Variants in PSD observed in about 807,000 individuals in gnomAD.
The protein encoded by PSD is PH and SEC7 domain-containing protein 1.
In PSD, 32 loss-of-function variants were observed where a neutral mutation model predicts 91.6. The observed-to-expected ratio is 0.35, with a 90% confidence interval of 0.26 to 0.47. The LOEUF (loss-of-function observed/expected upper bound fraction) is 0.47, where lower values mean the gene tolerates loss of function less well. Among genes scored for constraint, PSD ranks in the 20% least tolerant of loss-of-function variants. The probability of loss-of-function intolerance (pLI) is 1.00; values close to 1 mark genes in which losing one functional copy is unlikely to be tolerated. For synonymous variants in PSD, 532 were observed against 569.3 expected (o/e 0.93, Z 0.93); for missense variants, 1,099 against 1,373.9 (o/e 0.80, Z 3.16).
At position 102,404,103 on chromosome 10, in the gene PSD, C is replaced by T; in HGVS notation, c.2701-118G>A. The T allele has an allele frequency of 7.9e-7, 1 of 1,263,768 alleles. No homozygotes were observed. The highest frequency in any genetic ancestry group is 2.8e-5 in the Admixed American group (1 of 35,142). 78.3% of individuals were successfully genotyped at this position (1,263,768 alleles called of 1,614,324 possible). ...GTGGCTCACGCCTGTAATCCCAGCA[C>T]TTTGGGAGGCCAAGGCGGGCGGATC... is the stretch of plus-strand genomic sequence containing the variant. On this transcript the variant is annotated intron_variant, in intron 15 of 16. Coordinates refer to ENST00000020673, the MANE Select transcript of PSD (RefSeq NM_002779.5). The surrounding 1 kb of genome is among the most constrained non-coding windows in gnomAD (Gnocchi z 5.7).
chr10:102,419,669 G>T, upstream of PSD: 1 of 157,900 alleles, frequency 6.3e-6, no homozygotes, highest in South Asian at 1.4e-4. The surrounding 1 kb of genome is among the most constrained non-coding windows in gnomAD (Gnocchi z 4.8). Flanking sequence ...GGGGAGGGGC[G>T]GCGCGGACTC....
Position 102,413,934 on chromosome 10 carries a change from G to A in PSD, c.1388C>T (p.Pro463Leu), listed in dbSNP as rs750932539. The A allele has an allele frequency of 6.2e-7, 1 of 1,614,060 alleles. No homozygotes were observed. The highest frequency in any genetic ancestry group is 8.5e-7 in the Non-Finnish European group (1 of 1,179,952). Residue 463 changes from proline to leucine, a missense_variant, in exon 5 of 17, where the codon CCT becomes CTT. Pro to Leu is a moderately conservative substitution (Grantham distance 98). This residue lies in a region of PSD where 631 missense variants were observed against 728.8 expected (regional missense o/e 0.87). Transcript: ENST00000020673. ...GCTGGTACCAGAATCCGGTTCAAGA[G>A]GGGCAAGTGGGGCGGGAGCTGGTGG... Reference protein sequence around the residue: ...PDPPAPAPLAPLEPDSGTSSA... With the variant: ...PDPPAPAPLALLEPDSGTSSA...
Position 102,417,095 on chromosome 10 carries a change from A to G in PSD, c.-57T>C. 1 of 962,464 alleles carries G rather than the reference A, an allele frequency of 1.0e-6. No individual in the cohort carries two copies. The highest frequency in any genetic ancestry group is 1.6e-5 in the African/African-American group (1 of 60,994). 59.6% of individuals were successfully genotyped at this position (962,464 alleles called of 1,614,324 possible). A position where few individuals can be genotyped will look rare whatever the true frequency, so the allele number is the denominator to read the frequency against. Reference sequence around the variant, plus strand: ...GGATGGCGAGGCCAGGCGGGGAGTAAGGGGGCTGCATGCTCTTCAGACAGG... The same window carrying G: ...GGATGGCGAGGCCAGGCGGGGAGTAGGGGGGCTGCATGCTCTTCAGACAGG... On this transcript the variant is annotated 5_prime_UTR_variant, in exon 2 of 17. Coordinates refer to ENST00000020673, the MANE Select transcript of PSD (RefSeq NM_002779.5).
At chr10:102,418,228 A>G (rs910311180) in intron 1 of PSD, among the ~76,000 whole-genome samples, 9 of 140,644 alleles carry the variant, frequency 6.4e-5, no homozygotes, top group African/African-American at 2.6e-4. Context: ...CAGTCATAAC[A>G]AGTATGTGTG....
Position 102,415,152 on chromosome 10 carries a change from G to A in PSD, c.835C>T (p.Arg279Ter), listed in dbSNP as rs1428274929. ...SRQGSGVAVG[R>*]AAKYSETDLD... ...TCTGTCTCGGAGTACTTGGCTGCTC[G>A]CCCCACAGCCACCCCAGAGCCCTGC... The change falls in exon 4 of 17, where the codon CGA (arginine) becomes TGA (stop). Residue 279 changes from arginine to a stop codon, truncating the protein, a stop_gained. Transcript: ENST00000020673. LOFTEE classifies it high-confidence loss of function. The A allele has an allele frequency of 3.1e-6, 5 of 1,613,320 alleles. No homozygotes were observed. Among genetic ancestry groups the A allele is most frequent in the Non-Finnish European group, 4.2e-6 (5 of 1,180,020 alleles).
rs535674029 is a variant in PSD at position 102,403,917 on chromosome 10, G to A, written c.2769C>T (p.Ala923=). Residue 923 remains alanine, a synonymous_variant, in exon 16 of 17, where the codon GCC becomes GCT. Coordinates refer to ENST00000020673, the MANE Select transcript of PSD (RefSeq NM_002779.5). This position sits in a 1 kb window ranked among gnomAD's most constrained non-coding sequence, Gnocchi z 6.7. The part of the protein sequence containing the change: ...AMASELREHR[A]AQLGKKGRGK... ...CCCGGCCCTTCTTGCCCAGCTGGGC[G>A]GCCCGGTGCTCCCGCAGCTCACTTG... 51 of 1,596,548 alleles carry A rather than the reference G, an allele frequency of 3.2e-5. No individual in the cohort carries two copies. Among genetic ancestry groups the A allele is most frequent in the African/African-American group, 8.0e-5 (6 of 74,806 alleles).
At position 102,414,168 on chromosome 10, in the gene PSD, G is replaced by C; in HGVS notation, c.1154C>G (p.Pro385Arg). 1.2e-6 allele frequency: 2 copies of C among 1,612,836 alleles called. No individual in the cohort carries two copies. The highest frequency in any genetic ancestry group is 1.7e-4 in the Middle Eastern group (1 of 6,048). The stretch of plus-strand genomic sequence containing the variant: ...GCTCGTCCCAGGTAGAAAGGGCACA[G>C]GTGACTTGAGAGGCATCCGGCTCCC... ...RPGSRMPLKSPVPFLPGTSPS... is the reference protein window; with the variant it reads ...RPGSRMPLKSRVPFLPGTSPS... The change falls in exon 5 of 17, where the codon CCT becomes CGT. Residue 385 changes from proline to arginine, a missense_variant. Coordinates refer to ENST00000020673, the MANE Select transcript of PSD (RefSeq NM_002779.5). The surrounding 1 kb of genome is among the most constrained non-coding windows in gnomAD (Gnocchi z 5.6).
chr10:102,403,882 G>C lies in PSD; in HGVS notation c.2804C>G (p.Ala935Gly). The change falls in exon 16 of 17, where the codon GCT (alanine) becomes GGT (glycine). Residue 935 changes from alanine to glycine, a missense_variant. Around this residue, in one of 3 missense-constraint regions of PSD, gnomAD observed 358 missense variants for 426.5 expected, o/e 0.84. Coordinates refer to ENST00000020673, the MANE Select transcript of PSD (RefSeq NM_002779.5). This position sits in a 1 kb window ranked among gnomAD's most constrained non-coding sequence, Gnocchi z 6.7. ...GGCCTCCTTCTGCCGCTGCTCTTCAGCCTCCTTGCCCCGGCCCTTCTTGCC... is the reference window on the plus strand; with the variant it reads ...GGCCTCCTTCTGCCGCTGCTCTTCACCCTCCTTGCCCCGGCCCTTCTTGCC... ...QLGKKGRGKE[A>G]EEQRQKEAYL... The C allele has an allele frequency of 6.2e-7, 1 of 1,608,522 alleles. No individual in the cohort carries two copies. Among genetic ancestry groups the C allele is most frequent in the Non-Finnish European group, 8.5e-7 (1 of 1,177,568 alleles).
intron 1 of PSD, 143 bp from the exon 2 acceptor site, chr10:102,417,264 ACG>A: frequency 3.7e-6 from 2 of 536,706 alleles, no homozygotes; most frequent in South Asian, 2.4e-5. Context: ...CATTGATCCC[ACG>A]CCTGGGGACT....
Position 102,404,594 on chromosome 10 carries a change from G to C in PSD, c.2689C>G (p.Arg897Gly). Residue 897 changes from arginine (R) to glycine (G), a missense_variant, in exon 15 of 17, where the codon CGC becomes GGC. Coordinates refer to ENST00000020673, the MANE Select transcript of PSD (RefSeq NM_002779.5). This position sits in a 1 kb window ranked among gnomAD's most constrained non-coding sequence, Gnocchi z 5.7. ...AGAGCTTGGGCTACCTGGGAGAGGC[G>C]GGTGGCAGCGCTGGGCAGGAGAGGG... ...SRPLLPSAAT[R>G]LSQEEQVRTH... is the part of the protein sequence containing the mutation. 1 of 1,610,804 alleles carries C rather than the reference G, an allele frequency of 6.2e-7. No individual in the cohort carries two copies. Among genetic ancestry groups the C allele is most frequent in the Non-Finnish European group, 8.5e-7 (1 of 1,178,228 alleles).
chr10:102,408,732 C>G (rs2061390938), intron 10 of PSD, among the ~76,000 whole-genome samples: 1 of 152,228 alleles, frequency 6.6e-6, no homozygotes, highest in South Asian at 2.1e-4. Flanking sequence ...GCCCCAGGGT[C>G]TGTGCCCTCC....
In PSD at chr10:102,416,067, G is replaced by A. The variant is rs777755252; in HGVS notation, c.707C>T (p.Ala236Val). ...REVSSHAQRI[A>V]RAKWEFFYGS... ...ATAGAAGAATTCCCATTTGGCTCTA[G>A]CGATTCTCTGGGCATGAGAGGAGAC... The change falls in exon 3 of 17, where the codon GCT becomes GTT. Residue 236 changes from alanine (A) to valine (V), a missense_variant. By Grantham distance (64) the Ala-to-Val change is moderately conservative (BLOSUM62 0). Transcript: ENST00000020673. The surrounding 1 kb of genome is among the most constrained non-coding windows in gnomAD (Gnocchi z 6.0). 1 of 1,614,058 alleles carries A rather than the reference G, an allele frequency of 6.2e-7. No individual in the cohort carries two copies. The highest frequency in any genetic ancestry group is 8.5e-7 in the Non-Finnish European group (1 of 1,179,966).
chr10:102,411,010 C>T, intron 9 of PSD, 48 bp downstream of exon 9: 3 of 1,613,558 alleles, frequency 1.9e-6, no homozygotes, highest in Non-Finnish European at 1.7e-6. Flanking sequence ...TCCTGCATGT[C>T]TGGCCAGGGG....
Position 102,414,270 on chromosome 10 carries a change from A to AC in PSD, c.1125-74dup. Reference sequence around the variant, plus strand: ...TGGGGCAGGATTTCACTGAACTCTCACACTGACTCTGCTAAGGGGATTATC... The same window carrying AC: ...TGGGGCAGGATTTCACTGAACTCTCACCACTGACTCTGCTAAGGGGATTATC... On this transcript the variant is annotated intron_variant, in intron 4 of 16. Transcript: ENST00000020673. The surrounding 1 kb of genome is among the most constrained non-coding windows in gnomAD (Gnocchi z 5.6). The AC allele has an allele frequency of 7.5e-7, 1 of 1,331,252 alleles. No individual in the cohort carries two copies. The highest frequency in any genetic ancestry group is 1.0e-6 in the Non-Finnish European group (1 of 959,336). The allele number at this position is 1,331,252 out of a possible 1,614,324, so 82.5% of individuals were successfully genotyped here.
In PSD at chr10:102,404,867, G is replaced by A. The variant is rs1214130834; in HGVS notation, c.2555+31C>T. On this transcript the variant is annotated intron_variant, in intron 14 of 16. Transcript: ENST00000020673. This position sits in a 1 kb window ranked among gnomAD's most constrained non-coding sequence, Gnocchi z 5.7. ...GAGCAGGATGGGAGGTGGGGGAAGG[G>A]GTCCGGGATGGGCAGGAGGAGGGCA... The A allele has an allele frequency of 6.2e-7, 1 of 1,607,602 alleles. No individual in the cohort carries two copies. The highest frequency in any genetic ancestry group is 1.7e-5 in the Admixed American group (1 of 59,578).
chr10:102,418,165 CACAG>C (rs944719397), intron 1 of PSD, among the ~76,000 whole-genome samples: 1 of 151,014 alleles, frequency 6.6e-6, no homozygotes, highest in African/African-American at 2.4e-5. Flanking sequence ...CTGGCACACA[CACAG>C]ACACACACAC....
Position 102,416,757 on chromosome 10 carries a change from G to C in PSD, c.282C>G (p.Pro94=). 1 of 1,590,376 alleles carries C rather than the reference G, an allele frequency of 6.3e-7. No homozygotes were observed. Among genetic ancestry groups the C allele is most frequent in the Non-Finnish European group, 8.6e-7 (1 of 1,168,472 alleles). The change falls in exon 2 of 17, where the codon CCC becomes CCG. Residue 94 remains proline, a synonymous_variant. Transcript: ENST00000020673. This position sits in a 1 kb window ranked among gnomAD's most constrained non-coding sequence, Gnocchi z 6.0. ...APSSPTGQPP[P]GAQSSVVIFR... is the part of the protein sequence containing the mutation. ...AGATGACCACAGAGCTCTGGGCCCC[G>C]GGTGGGGGCTGCCCAGTGGGTGAAG...
chr10:102,419,631 C>T, upstream of PSD: 1 of 156,322 alleles, frequency 6.4e-6, no homozygotes, highest in Non-Finnish European at 1.4e-5. The surrounding 1 kb of genome is among the most constrained non-coding windows in gnomAD (Gnocchi z 4.8). Context: ...CGAGGACGTG[C>T]GAGGCGGGGG....
At chr10:102,407,725 C>A (rs1241947069) in intron 10 of PSD, among the ~76,000 whole-genome samples, 1 of 152,098 alleles carries the variant, frequency 6.6e-6, no homozygotes, top group East Asian at 1.9e-4. Context: ...TATGGGGAAA[C>A]TGCGACCCCA....
Sources: allele counts gnomAD v4.1 joint callset (sites outside exome capture counted in the v4.1 genomes callset), GRCh38; gene constraint gnomAD v4.1.1; regional missense constraint gnomAD v4.1.1; non-coding constraint Gnocchi (gnomAD v3.1); transcripts MANE v1.5; gene names NCBI Gene and HGNC (gene_info 2026-07-23, HGNC 2026-07-21).